The following SCN9A variants were observed in gnomAD, a reference collection of about 807,000 sequenced individuals.
The protein encoded by SCN9A is sodium channel protein type 9 subunit alpha.
A neutral mutation model predicts 187.0 loss-of-function variants in SCN9A; 131 were observed. The observed-to-expected ratio is 0.70, with a 90% CI of 0.61 to 0.81. The LOEUF is 0.81. Among genes scored for constraint, SCN9A ranks in the 30% least tolerant of loss-of-function variants. The probability of loss-of-function intolerance (pLI) is 0.00; values close to 1 mark genes in which losing one functional copy is unlikely to be tolerated. For synonymous variants in SCN9A, 809 were observed against 808.6 expected, an observed-to-expected ratio of 1.00 and a Z score of -0.01; for missense variants, 2,252 against 2,396.6, an observed-to-expected ratio of 0.94 and a Z score of 1.26.
intron 1 of SCN9A, among the ~76,000 whole-genome samples, chr2:166,353,606 TCC>T (rs1700090532): frequency 6.6e-6 from 1 of 152,206 alleles, no homozygotes; most frequent in African/African-American, 2.4e-5. Context: ...GTTTCAACTA[TCC>T]TGATCACCTG....
At chr2:166,255,022 T>A (rs1333408912) in intron 17 of SCN9A, among the ~76,000 whole-genome samples, 1 of 151,306 alleles carries the variant, frequency 6.6e-6, no homozygotes, top group African/African-American at 2.4e-5. Flanking sequence ...ACATTTTAAA[T>A]GTATAATAGT....
chr2:166,312,599 C>A (rs1476578326), intron 1 of SCN9A, among the ~76,000 whole-genome samples: 1 of 152,068 alleles, frequency 6.6e-6, no homozygotes. Context: ...TTTTCCCAGA[C>A]CCATCAGAGG....
chr2:166,199,661 T>A lies in SCN9A; in HGVS notation c.4978A>T (p.Ile1660Phe), dbSNP rs779325771. The A allele has an allele frequency of 6.2e-7, 1 of 1,614,154 alleles. No homozygotes were observed. The highest frequency in any genetic ancestry group is 1.7e-5 in the Admixed American group (1 of 60,020). The change falls in exon 27 of 27, where the codon ATC (isoleucine) becomes TTC (phenylalanine). Residue 1660 changes from isoleucine (I) to phenylalanine (F), a missense_variant. Transcript: ENST00000642356. The stretch of plus-strand genomic sequence containing the variant: ...TAGGCAAAGTTGGACATTCCAAAGA[T>A]GGCGTAGATGAACATGACCAGGAAG... ...LLFLVMFIYA[I>F]FGMSNFAYVK...
intron 24 of SCN9A, among the ~76,000 whole-genome samples, chr2:166,208,831 G>A (rs1693941992): frequency 6.6e-6 from 1 of 152,208 alleles, no homozygotes. Flanking sequence ...AAATCAAACA[G>A]GCATTTCAAT....
At chr2:166,317,587 T>C (rs956618163) in intron 1 of SCN9A, among the ~76,000 whole-genome samples, 1 of 152,238 alleles carries the variant, frequency 6.6e-6, no homozygotes, top group Non-Finnish European at 1.5e-5. Context: ...TTTCTATGTA[T>C]GCAGACACAC....
intron 5 of SCN9A, 138 bp from the exon 6 acceptor site, chr2:166,304,467 C>T: frequency 1.5e-6 from 1 of 673,180 alleles, no homozygotes; most frequent in South Asian, 2.0e-5. Flanking sequence ...GCTATCATAA[C>T]TAACTTAATT....
At position 166,286,523 on chromosome 2, in the gene SCN9A, C is replaced by T; in HGVS notation, c.1415G>A (p.Ser472Asn). Residue 472 changes from serine to asparagine, a missense_variant, in exon 11 of 27, where the codon AGT becomes AAT. Physicochemically the swap from Ser to Asn is conservative, Grantham distance 46. This residue lies in a region of SCN9A where 1,013 missense variants were observed against 997.4 expected (regional missense o/e 1.02). Transcript: ENST00000642356. Reference sequence around the variant, plus strand: ...TCTTCTGTTTCTTCTTTCTTTAGCACTTTTAGAGCTCAGTTTGGATGTTTC... The same window carrying T: ...TCTTCTGTTTCTTCTTTCTTTAGCATTTTTAGAGCTCAGTTTGGATGTTTC... ...SSETSKLSSK[S>N]AKERRNRRKK... is the part of the protein sequence containing the mutation. The T allele has an allele frequency of 6.2e-7, 1 of 1,612,716 alleles. No homozygotes were observed. Among genetic ancestry groups the T allele is most frequent in the East Asian group, 2.2e-5 (1 of 44,832 alleles).
intron 1 of SCN9A, among the ~76,000 whole-genome samples, chr2:166,347,133 TAAG>T (rs1225984851): frequency 6.6e-6 from 1 of 152,172 alleles, no homozygotes; most frequent in East Asian, 1.9e-4. Flanking sequence ...AGAGAGAACA[TAAG>T]AAGAGTAAAT....
chr2:166,298,098 C>CTAG (rs938374136), intron 7 of SCN9A, among the ~76,000 whole-genome samples: 1 of 152,164 alleles, frequency 6.6e-6, no homozygotes, highest in Non-Finnish European at 1.5e-5. Flanking sequence ...TCTGAGAAAA[C>CTAG]TAGTGCAGGG....
chr2:166,332,946 T>C (rs1235050195), intron 1 of SCN9A, among the ~76,000 whole-genome samples: 1 of 151,428 alleles, frequency 6.6e-6, no homozygotes, highest in African/African-American at 2.4e-5. Flanking sequence ...AAATTTTCTT[T>C]TAAAATTATA....
At chr2:166,280,942 C>T (rs1480595014) in intron 13 of SCN9A, among the ~76,000 whole-genome samples, 1 of 152,110 alleles carries the variant, frequency 6.6e-6, no homozygotes, top group Non-Finnish European at 1.5e-5. Flanking sequence ...ATATTTTTCA[C>T]CTGTGTTTTT....
chr2:166,240,523 A>G (rs1177853259), intron 19 of SCN9A, among the ~76,000 whole-genome samples: 1 of 152,100 alleles, frequency 6.6e-6, no homozygotes, highest in Admixed American at 6.6e-5. Flanking sequence ...CCAAACTTTA[A>G]TTTTTTTGTA....
chr2:166,324,937 A>C (rs1038150002), intron 1 of SCN9A, among the ~76,000 whole-genome samples: 2 of 152,174 alleles, frequency 1.3e-5, no homozygotes, highest in African/African-American at 4.8e-5. Flanking sequence ...GTGAAAAACT[A>C]AGGAACTCTG....
intron 1 of SCN9A, among the ~76,000 whole-genome samples, chr2:166,346,715 G>A (rs1574950112): frequency 6.6e-6 from 1 of 152,300 alleles, no homozygotes; most frequent in East Asian, 1.9e-4. Flanking sequence ...TAAATATGGA[G>A]CAGGTGCAGA....
chr2:166,290,774 A>G (rs1484025536), intron 9 of SCN9A, among the ~76,000 whole-genome samples: 1 of 152,112 alleles, frequency 6.6e-6, no homozygotes, highest in Non-Finnish European at 1.5e-5. Context: ...GGCTGGTTCA[A>G]TATATGCAAA....
At chr2:166,364,099 G>A (rs1461303863) in intron 1 of SCN9A, among the ~76,000 whole-genome samples, 1 of 151,856 alleles carries the variant, frequency 6.6e-6, no homozygotes, top group Non-Finnish European at 1.5e-5. Context: ...CCGATCATTT[G>A]GGAAATGCAA....
At position 166,272,725 on chromosome 2, in the gene SCN9A, AT is replaced by A. The variant is rs1461571655; in HGVS notation, c.3024del (p.Glu1008AspfsTer4). ...GINYVKQTLR[E>X]FILKAFSKKP... The stretch of plus-strand genomic sequence containing the variant: ...TTTTTGGAAAATGCTTTTAGAATAA[AT>A]TCACGTAAGGTTTGTTTCACATAAT... On this transcript the variant is annotated frameshift_variant, in exon 17 of 27. Coordinates refer to ENST00000642356, the MANE Select transcript of SCN9A (RefSeq NM_001365536.1). LOFTEE classifies it high-confidence loss of function. 1 of 1,590,850 alleles carries A rather than the reference AT, an allele frequency of 6.3e-7. No individual in the cohort carries two copies. The highest frequency in any genetic ancestry group is 8.6e-7 in the Non-Finnish European group (1 of 1,169,414).
intron 1 of SCN9A, among the ~76,000 whole-genome samples, chr2:166,340,556 TTC>T (rs1327454100): frequency 1.4e-5 from 1 of 73,984 alleles, no homozygotes; most frequent in Non-Finnish European, 2.5e-5. Flanking sequence ...CTTTCTTTCT[TTC>T]TTTCTTTCTT....
At chr2:166,212,465 T>C (rs547582881) in intron 24 of SCN9A, among the ~76,000 whole-genome samples, 1 of 152,302 alleles carries the variant, frequency 6.6e-6, no homozygotes, top group South Asian at 2.1e-4. Context: ...TGTGAATCCA[T>C]CATCAAAGCA....
Sources: gnomAD v4.1 joint callset for allele counts (sites outside exome capture counted in the v4.1 genomes callset) on GRCh38, gnomAD v4.1.1 for gene constraint, gnomAD v4.1.1 regional missense constraint, MANE v1.5 for transcripts, NCBI Gene and HGNC (gene_info 2026-07-23, HGNC 2026-07-21) for gene names.